Variants in ZBTB8A observed in about 807,000 individuals in gnomAD.
The protein encoded by ZBTB8A is zinc finger and BTB domain-containing protein 8A.
Under a neutral mutation model 37.8 loss-of-function variants are expected in ZBTB8A, and 19 were observed. The ratio of observed to expected loss-of-function variants is 0.50; its 90% CI spans 0.35 to 0.74. The LOEUF is 0.74. Among genes scored for constraint, ZBTB8A ranks in the 30% least tolerant of loss-of-function variants. The probability of loss-of-function intolerance (pLI) is 0.01; values close to 1 mark genes in which losing one functional copy is unlikely to be tolerated. For missense variants in ZBTB8A, 394 were observed against 537.8 expected, an observed-to-expected ratio of 0.73 and a Z score of 2.65; for synonymous variants, 181 against 185.2, an observed-to-expected ratio of 0.98 and a Z score of 0.19.
chr1:32,588,195 C>T (rs964611487), intron 2 of ZBTB8A, among the ~76,000 whole-genome samples: 2 of 152,042 alleles, frequency 1.3e-5, no homozygotes, highest in African/African-American at 4.8e-5. Flanking sequence ...TATGGAAACC[C>T]CAGTTTATAG....
chr1:32,585,027 C>CTTTTTTTTTTTT (rs1163697499), intron 2 of ZBTB8A, among the ~76,000 whole-genome samples: 1 of 105,620 alleles, frequency 9.5e-6, no homozygotes, highest in Admixed American at 1.0e-4. Flanking sequence ...TTTCAGATTT[C>CTTTTTTTTTTTT]TTTTTTTTTT....
intron 2 of ZBTB8A, among the ~76,000 whole-genome samples, chr1:32,565,910 G>T (rs1188403224): frequency 1.3e-5 from 2 of 151,930 alleles, no homozygotes; most frequent in African/African-American, 4.8e-5. Flanking sequence ...CCAATTAAGA[G>T]AATAATTCTG....
chr1:32,541,712 G>A (rs1250701105), intron 1 of ZBTB8A, among the ~76,000 whole-genome samples: 2 of 152,168 alleles, frequency 1.3e-5, no homozygotes, highest in Non-Finnish European at 2.9e-5. Context: ...GGACTGCTGT[G>A]TCCTCACGTG....
At chr1:32,569,877 C>T (rs1644312177) in intron 2 of ZBTB8A, among the ~76,000 whole-genome samples, 1 of 152,062 alleles carries the variant, frequency 6.6e-6, no homozygotes, top group Non-Finnish European at 1.5e-5. Flanking sequence ...TCCACCTCAG[C>T]CTCCCAAAGT....
chr1:32,572,691 C>G (rs949496273), intron 2 of ZBTB8A, among the ~76,000 whole-genome samples: 1 of 152,078 alleles, frequency 6.6e-6, no homozygotes, highest in Non-Finnish European at 1.5e-5. Context: ...ACCACTATGC[C>G]CGGCCTCTTA....
Position 32,603,255 on chromosome 1 carries a change from G to A in ZBTB8A, c.*2836G>A, listed in dbSNP as rs1252378717. On this transcript the variant is annotated 3_prime_UTR_variant, in exon 5 of 5. Coordinates refer to ENST00000373510, the MANE Select transcript of ZBTB8A (RefSeq NM_001040441.3). Reference sequence around the variant, plus strand: ...AGCGATTCTCCTGCCTCAGCCTCCTGAGTAGCCGGGACTACAGGCATGTGC... The same window carrying A: ...AGCGATTCTCCTGCCTCAGCCTCCTAAGTAGCCGGGACTACAGGCATGTGC... 1 of 152,462 alleles carries A rather than the reference G, an allele frequency of 6.6e-6. No homozygotes were observed. Among genetic ancestry groups the A allele is most frequent in the African/African-American group, 2.4e-5 (1 of 41,444 alleles). The allele number at this position is 152,462 out of a possible 1,614,324, so 9.4% of individuals were successfully genotyped here. A position where few individuals can be genotyped will look rare whatever the true frequency, so the allele number is the denominator to read the frequency against.
intron 1 of ZBTB8A, among the ~76,000 whole-genome samples, chr1:32,549,819 A>G (rs1288131635): frequency 6.6e-6 from 1 of 152,208 alleles, no homozygotes; most frequent in Non-Finnish European, 1.5e-5. Flanking sequence ...TGTCTTCACC[A>G]TGTTTGTCTT....
chr1:32,546,553 A>G (rs1644105846), intron 1 of ZBTB8A, among the ~76,000 whole-genome samples: 1 of 152,204 alleles, frequency 6.6e-6, no homozygotes, highest in African/African-American at 2.4e-5. Context: ...CTGAAGCAGG[A>G]TCACTTGAGC....
intron 2 of ZBTB8A, among the ~76,000 whole-genome samples, chr1:32,592,087 C>T (rs1220267485): frequency 6.6e-6 from 1 of 151,696 alleles, no homozygotes; most frequent in African/African-American, 2.4e-5. Flanking sequence ...GTGATCTGCC[C>T]GCCTTGGCCT....
intron 2 of ZBTB8A, among the ~76,000 whole-genome samples, chr1:32,558,376 G>A (rs1442610986): frequency 2.6e-5 from 4 of 151,678 alleles, no homozygotes; most frequent in African/African-American, 9.7e-5. Context: ...GCTACTTAGA[G>A]AAAAATTTAG....
intron 1 of ZBTB8A, among the ~76,000 whole-genome samples, chr1:32,542,932 C>T (rs1314383870): frequency 6.6e-6 from 1 of 152,178 alleles, no homozygotes; most frequent in Admixed American, 6.5e-5. Context: ...TTACCGATTT[C>T]CATGACCTAA....
chr1:32,567,812 A>ATC (rs1557707641), intron 2 of ZBTB8A, among the ~76,000 whole-genome samples: 1 of 45,194 alleles, frequency 2.2e-5, no homozygotes, highest in Non-Finnish European at 4.0e-5. Context: ...AAAAAAAAAA[A>ATC]AAAAAAAAAA....
intron 3 of ZBTB8A, 22 bp downstream of exon 3, chr1:32,593,776 C>T (rs760869938): frequency 1.3e-6 from 2 of 1,575,754 alleles, no homozygotes; most frequent in South Asian, 1.2e-5. Flanking sequence ...GAGCATAAGT[C>T]CCCTCATCCA....
chr1:32,555,903 TTTAA>T, intron 2 of ZBTB8A, among the ~76,000 whole-genome samples: 1 of 151,934 alleles, frequency 6.6e-6, no homozygotes, highest in African/African-American at 2.4e-5. Context: ...TAAAAAAAAA[TTTAA>T]TTTTAATTTA....
At chr1:32,540,604 C>A (rs1644045178) in intron 1 of ZBTB8A, among the ~76,000 whole-genome samples, 1 of 152,124 alleles carries the variant, frequency 6.6e-6, no homozygotes, top group Non-Finnish European at 1.5e-5. Context: ...TCCTAAGGCA[C>A]CTCCAGAGGA....
intron 4 of ZBTB8A, 50 bp downstream of exon 4, chr1:32,595,273 T>G (rs534697722): frequency 1.9e-5 from 30 of 1,584,668 alleles, no homozygotes; most frequent in Admixed American, 1.7e-4. Flanking sequence ...TTGGTTTTTG[T>G]TTTTGTTTTT....
intron 2 of ZBTB8A, among the ~76,000 whole-genome samples, chr1:32,567,835 C>CAA (rs1430835780): frequency 1.6e-5 from 1 of 60,860 alleles, no homozygotes; most frequent in Non-Finnish European, 3.6e-5. Flanking sequence ...AAAAACAAAA[C>CAA]AAAACAAAAA....
At chr1:32,549,476 G>A (rs1644133559) in intron 1 of ZBTB8A, among the ~76,000 whole-genome samples, 1 of 148,652 alleles carries the variant, frequency 6.7e-6, no homozygotes, top group East Asian at 2.0e-4. Context: ...CCTGGGCAAC[G>A]AGTAAAACTC....
Position 32,593,031 on chromosome 1 carries a change from G to C in ZBTB8A, c.100G>C (p.Val34Leu). 1 of 1,614,144 alleles carries C rather than the reference G, an allele frequency of 6.2e-7. No individual in the cohort carries two copies. Among genetic ancestry groups the C allele is most frequent in the South Asian group, 1.1e-5 (1 of 91,086 alleles). Residue 34 changes from valine to leucine, a missense_variant, in exon 3 of 5, where the codon GTC (valine) becomes CTC (leucine). Transcript: ENST00000373510. ...CDCSILVEGK[V>L]FKAHRNVLFA... Reference sequence around the variant, plus strand: ...CTGCAGTATTCTAGTTGAAGGGAAGGTCTTCAAAGCACATCGAAATGTATT... The same window carrying C: ...CTGCAGTATTCTAGTTGAAGGGAAGCTCTTCAAAGCACATCGAAATGTATT...
Sources: gnomAD v4.1 joint callset for allele counts (sites outside exome capture counted in the v4.1 genomes callset) on GRCh38, gnomAD v4.1.1 for gene constraint, MANE v1.5 for transcripts, NCBI Gene and HGNC (gene_info 2026-07-23, HGNC 2026-07-21) for gene names.